The following DAB1 variants were observed in gnomAD, a reference collection of about 807,000 sequenced individuals.
DAB1 encodes the protein DAB adaptor protein 1.
DAB1 carries 15 observed loss-of-function variants against 64.6 expected under a neutral mutation model. The observed-to-expected ratio is 0.23, with a 90% CI of 0.16 to 0.36. The LOEUF (loss-of-function observed/expected upper bound fraction) is 0.36. Among genes scored for constraint, DAB1 ranks in the 10% least tolerant of loss-of-function variants. The pLI is 1.00. For missense variants in DAB1, 596 were observed against 706.7 expected (o/e 0.84, Z 1.78); for synonymous variants, 235 against 251.9 (o/e 0.93, Z 0.64).
At chr1:57,555,153 G>C (rs546198264) in intron 7 of DAB1, among the ~76,000 whole-genome samples, 1 of 143,814 alleles carries the variant, frequency 7.0e-6, no homozygotes, top group African/African-American at 2.6e-5. Context: ...TCCTCTCTCA[G>C]CCTCCCAAGT....
chr1:58,391,775 G>A (rs532383566), intron 3 of DAB1, among the ~76,000 whole-genome samples: 65 of 152,188 alleles, frequency 4.3e-4, no homozygotes, highest in East Asian at 1.9e-3. Context: ...TCTTAGTGTC[G>A]TCTTGCAATG....
At chr1:57,145,510 T>A in intron 2 of DAB1, 81 bp from the exon 3 acceptor site, 1 of 1,462,926 alleles carries the variant, frequency 6.8e-7, no homozygotes, top group Non-Finnish European at 9.4e-7. Context: ...CAAGATCCGC[T>A]GTCTGGTTTC....
intron 7 of DAB1, among the ~76,000 whole-genome samples, chr1:57,512,813 G>A (rs1462275730): frequency 1.3e-5 from 2 of 152,196 alleles, no homozygotes; most frequent in African/African-American, 2.4e-5. Flanking sequence ...TCCCGGTTTA[G>A]GTTTGGGGGC....
intron 6 of DAB1, among the ~76,000 whole-genome samples, chr1:57,758,594 G>A (rs1648926810): frequency 6.6e-6 from 1 of 152,092 alleles, no homozygotes; most frequent in African/African-American, 2.4e-5. Context: ...AAGGACAGGT[G>A]GTATATGAAG....
At chr1:57,253,603 C>T (rs1307909397) in intron 2 of DAB1, among the ~76,000 whole-genome samples, 1 of 152,140 alleles carries the variant, frequency 6.6e-6, no homozygotes, top group Non-Finnish European at 1.5e-5. Context: ...TCTTTCAAAA[C>T]CACCACAAAA....
At chr1:58,035,168 G>A (rs181589779) in intron 5 of DAB1, among the ~76,000 whole-genome samples, 92 of 152,294 alleles carry the variant, frequency 6.0e-4, no homozygotes, top group Non-Finnish European at 9.7e-4. Context: ...GAAAGAGAGA[G>A]CAAGCCCAGC....
At chr1:57,404,170 C>A (rs269048) in intron 1 of DAB1, among the ~76,000 whole-genome samples, 61,095 of 151,846 alleles carry the variant, frequency 0.4, 12,809 homozygotes, top group African/African-American at 0.47. Flanking sequence ...ATGTAAAAAA[C>A]TATTAAGGAA....
chr1:58,297,431 C>T (rs1288693809), intron 4 of DAB1, among the ~76,000 whole-genome samples: 1 of 152,146 alleles, frequency 6.6e-6, no homozygotes, highest in Admixed American at 6.5e-5. Flanking sequence ...GGCTTGAAGG[C>T]AACGACTAGG....
At chr1:57,856,708 G>C (rs1653772640) in intron 1 of DAB1, among the ~76,000 whole-genome samples, 1 of 152,138 alleles carries the variant, frequency 6.6e-6, no homozygotes, top group Admixed American at 6.5e-5. Context: ...AGGCTGCCAT[G>C]AGCCGAGATC....
intron 6 of DAB1, among the ~76,000 whole-genome samples, chr1:57,717,741 T>C (rs1647100892): frequency 6.6e-6 from 1 of 152,110 alleles, no homozygotes; most frequent in African/African-American, 2.4e-5. Flanking sequence ...TGTATACATA[T>C]ATGTGTATAT....
intron 3 of DAB1, among the ~76,000 whole-genome samples, chr1:58,366,168 G>T (rs2100530318): frequency 6.6e-6 from 1 of 152,246 alleles, no homozygotes; most frequent in African/African-American, 2.4e-5. Context: ...AAAGAGCCAG[G>T]GTTTCATTCT....
chr1:58,536,543 G>T, intron 1 of DAB1: 1 of 872,716 alleles, frequency 1.1e-6, no homozygotes, highest in African/African-American at 1.6e-5. Context: ...ATAAAAGTCT[G>T]AACTGTTCTT....
intron 1 of DAB1, among the ~76,000 whole-genome samples, chr1:57,389,657 A>G (rs1223534957): frequency 6.6e-6 from 1 of 152,176 alleles, no homozygotes; most frequent in Non-Finnish European, 1.5e-5. Flanking sequence ...AGAGGTAGGG[A>G]GAGAGGGAAG....
chr1:57,795,259 A>C (rs1557485099), intron 6 of DAB1, among the ~76,000 whole-genome samples: 2 of 152,234 alleles, frequency 1.3e-5, no homozygotes, highest in Admixed American at 1.3e-4. Context: ...ATCTAAAAAA[A>C]ATTGTTAGCA....
At chr1:58,171,231 G>A (rs1656158705) in intron 4 of DAB1, among the ~76,000 whole-genome samples, 1 of 152,138 alleles carries the variant, frequency 6.6e-6, no homozygotes, top group Non-Finnish European at 1.5e-5. Flanking sequence ...GCATTGGAAG[G>A]ACAATTTGGA....
intron 2 of DAB1, among the ~76,000 whole-genome samples, chr1:57,150,182 C>T (rs11804562): frequency 0.01 from 1,558 of 152,290 alleles, 23 homozygotes; most frequent in African/African-American, 0.035. Context: ...AGTATAGATA[C>T]TAATGGGTGC....
At chr1:57,656,403 A>C (rs1646319441) in intron 6 of DAB1, among the ~76,000 whole-genome samples, 1 of 152,240 alleles carries the variant, frequency 6.6e-6, no homozygotes, top group Non-Finnish European at 1.5e-5. Flanking sequence ...ATATACTAAA[A>C]GAGTAATTGT....
At chr1:57,087,596 G>A (rs535773175) in intron 4 of DAB1, among the ~76,000 whole-genome samples, 8 of 152,288 alleles carry the variant, frequency 5.3e-5, no homozygotes, top group South Asian at 2.1e-4. Flanking sequence ...CTCTGCAATC[G>A]GAAGGAGAGT....
At chr1:57,734,871 T>C (rs1647610197) in intron 6 of DAB1, among the ~76,000 whole-genome samples, 1 of 152,192 alleles carries the variant, frequency 6.6e-6, no homozygotes, top group African/African-American at 2.4e-5. Context: ...TAAAACATAA[T>C]TATAATAAAT....
Sources: gnomAD v4.1 joint callset for allele counts (sites outside exome capture counted in the v4.1 genomes callset) on GRCh38, gnomAD v4.1.1 for gene constraint, MANE v1.5 for transcripts, NCBI Gene and HGNC (gene_info 2026-07-23, HGNC 2026-07-21) for gene names.